Variants in NAALAD2 observed in about 807,000 individuals in gnomAD.
NAALAD2 encodes the protein N-acetylated-alpha-linked acidic dipeptidase 2.
In NAALAD2, 89 loss-of-function variants were observed where a neutral mutation model predicts 95.6. The ratio of observed to expected loss-of-function variants is 0.93; its 90% CI spans 0.78 to 1.11. The LOEUF is 1.11. NAALAD2 is among the 50% of genes least tolerant of loss of function. NAALAD2 has a pLI of 0.00. For synonymous variants in NAALAD2, 264 were observed against 294.4 expected, an observed-to-expected ratio of 0.90 and a Z score of 1.06; for missense variants, 894 against 872.4, an observed-to-expected ratio of 1.02 and a Z score of -0.31.
In NAALAD2 at chr11:90,159,137, A is replaced by T. The variant is rs1590987475; in HGVS notation, c.891-102A>T. The T allele has an allele frequency of 1.8e-5, 16 of 908,338 alleles. No homozygotes were observed. The East Asian group carries it at 4.3e-4, about 24-fold the overall frequency. 56.3% of individuals were successfully genotyped at this position (908,338 alleles called of 1,614,324 possible). On this transcript the variant is annotated intron_variant, in intron 7 of 18. Coordinates refer to ENST00000534061, the MANE Select transcript of NAALAD2 (RefSeq NM_005467.4). Reference sequence around the variant, plus strand: ...GTACCTGGCACTTAGTAAATGACAAATATTTGTTATATATATGAATGAAAT... The same window carrying T: ...GTACCTGGCACTTAGTAAATGACAATTATTTGTTATATATATGAATGAAAT...
chr11:90,167,469 C>T (rs990594370), intron 11 of NAALAD2, among the ~76,000 whole-genome samples: 1 of 152,198 alleles, frequency 6.6e-6, no homozygotes, highest in South Asian at 2.1e-4. Flanking sequence ...CCGACGAGCA[C>T]CGCTTCCTGC....
At chr11:90,158,621 T>G (rs1368304172) in intron 7 of NAALAD2, 5 of 179,870 alleles carry the variant, frequency 2.8e-5, no homozygotes, top group Non-Finnish European at 5.7e-5. Context: ...ATCAGTTGCT[T>G]AAACTTTCTC....
At chr11:90,138,364 G>C (rs1951504064) in intron 2 of NAALAD2, among the ~76,000 whole-genome samples, 1 of 152,126 alleles carries the variant, frequency 6.6e-6, no homozygotes, top group Admixed American at 6.5e-5. Context: ...AGGAAAGGCA[G>C]TCACATTCCA....
chr11:90,138,006 G>A (rs540084625), intron 2 of NAALAD2, among the ~76,000 whole-genome samples: 1 of 151,908 alleles, frequency 6.6e-6, no homozygotes, highest in Non-Finnish European at 1.5e-5. Context: ...GGCATAGGGT[G>A]CTGACCCCCC....
intron 11 of NAALAD2, among the ~76,000 whole-genome samples, chr11:90,166,955 G>C (rs1952471940): frequency 1.3e-5 from 2 of 152,070 alleles, no homozygotes; most frequent in South Asian, 2.1e-4. Flanking sequence ...TTCGAGAACA[G>C]CCTGGCCAAC....
intron 6 of NAALAD2, among the ~76,000 whole-genome samples, chr11:90,156,876 A>C (rs75641273): frequency 0.025 from 3,755 of 152,178 alleles, 147 homozygotes; most frequent in African/African-American, 0.084. Flanking sequence ...CCCATGGTTT[A>C]TTTATAAATG....
intron 2 of NAALAD2, among the ~76,000 whole-genome samples, chr11:90,138,420 T>C (rs1400060486): frequency 6.6e-6 from 1 of 152,182 alleles, no homozygotes; most frequent in Non-Finnish European, 1.5e-5. Context: ...TTCTTTTCTC[T>C]AAAAATATTT....
intron 13 of NAALAD2, among the ~76,000 whole-genome samples, chr11:90,171,662 C>A (rs111465123): frequency 5.3e-4 from 81 of 152,226 alleles, no homozygotes; most frequent in African/African-American, 1.8e-3. Context: ...ACAAAGGAGA[C>A]TTGTTTTTAC....
chr11:90,167,363 G>T (rs1480906373), intron 11 of NAALAD2, among the ~76,000 whole-genome samples: 1 of 152,214 alleles, frequency 6.6e-6, no homozygotes, highest in Non-Finnish European at 1.5e-5. Flanking sequence ...TTCTCGCTGG[G>T]CCTTAGCTGC....
In NAALAD2 at chr11:90,170,132, A is replaced by C. The variant is rs1952591221; in HGVS notation, c.1406A>C (p.Lys469Thr). 1.3e-6 allele frequency: 2 copies of C among 1,567,176 alleles called. No individual in the cohort carries two copies. The highest frequency in any genetic ancestry group is 1.8e-6 in the Non-Finnish European group (2 of 1,137,598). The change falls in exon 13 of 19, where the codon AAA becomes ACA. Residue 469 changes from lysine to threonine, a missense_variant. By Grantham distance (78) the Lys-to-Thr change is moderately conservative (BLOSUM62 -1). Coordinates refer to ENST00000534061, the MANE Select transcript of NAALAD2 (RefSeq NM_005467.4). ...LLYQLVYKLT[K>T]EIPSPDDGFE... ...TACCAATTAGTGTATAAACTGACAA[A>C]AGAGGTATATAAGGAAATGTGTCTT... is the stretch of plus-strand genomic sequence containing the variant.
At chr11:90,166,330 A>C (rs558373031) in intron 11 of NAALAD2, among the ~76,000 whole-genome samples, 27 of 152,256 alleles carry the variant, frequency 1.8e-4, no homozygotes, top group Admixed American at 1.5e-3. Context: ...TGAGAGAGAG[A>C]GAGCGAAAGA....
rs1451580382 is a variant in NAALAD2 at position 90,191,502 on chromosome 11, C to CAT, written c.2034-55_2034-54dup. On this transcript the variant is annotated intron_variant, in intron 18 of 18. Transcript: ENST00000534061. ...AACATCATGTGGTCTAAACAAAAAG[C>CAT]ATGCAAAATGCATGTATACACTTTA... The CAT allele has an allele frequency of 2.3e-6, 3 of 1,296,552 alleles. No individual in the cohort carries two copies. The East Asian group carries it at 7.8e-5, about 34-fold the overall frequency. 80.3% of individuals were successfully genotyped at this position (1,296,552 alleles called of 1,614,324 possible). A position where few individuals can be genotyped will look rare whatever the true frequency, so the allele number is the denominator to read the frequency against.
intron 11 of NAALAD2, among the ~76,000 whole-genome samples, chr11:90,167,122 C>T (rs1952479744): frequency 6.6e-6 from 1 of 152,236 alleles, no homozygotes; most frequent in South Asian, 2.1e-4. Flanking sequence ...CGCCGCTGCA[C>T]TGTGGGAGCC....
chr11:90,174,464 CATT>C (rs1555124905), intron 14 of NAALAD2, among the ~76,000 whole-genome samples: 1 of 152,068 alleles, frequency 6.6e-6, no homozygotes, highest in Non-Finnish European at 1.5e-5. Flanking sequence ...AGTTTCGCTA[CATT>C]ATTAGCCATT....
At chr11:90,154,330 A>G (rs1462891986) in intron 6 of NAALAD2, among the ~76,000 whole-genome samples, 2 of 151,894 alleles carry the variant, frequency 1.3e-5, no homozygotes, top group African/African-American at 4.8e-5. Context: ...CTTCTATCCT[A>G]ATATACTGGG....
intron 3 of NAALAD2, among the ~76,000 whole-genome samples, chr11:90,148,292 G>C (rs1951799060): frequency 6.6e-6 from 1 of 152,164 alleles, no homozygotes; most frequent in East Asian, 1.9e-4. Context: ...GAGGATGAGG[G>C]ATGGATTTCA....
rs528545545 is a variant in NAALAD2, at chr11:90,143,911, G to A, written c.195-3419G>A. Among the ~76,000 whole-genome samples, 60 of 152,266 alleles carry A rather than the reference G, an allele frequency of 3.9e-4. No individual in the cohort carries two copies. In the South Asian group the frequency reaches 0.012, roughly 29 times the overall value. ...TCTGTGCTGTTGATGAGATCACAAG[G>A]TTCCATGTTAGTGTCTATGGATGAA... On this transcript the variant is annotated intron_variant, in intron 2 of 18. Transcript: ENST00000534061.
rs765763172 is a variant in NAALAD2, at chr11:90,159,306, G to A, written c.958G>A (p.Gly320Arg). ...KGALNVSYSI[G>R]PGFTGSDSFR... ...AGCCCTTAATGTGAGTTATAGTATC[G>A]GACCTGGCTTTACAGGGAGTGATTC... is the stretch of plus-strand genomic sequence containing the variant. Residue 320 changes from glycine (G) to arginine (R), a missense_variant, in exon 8 of 19, where the codon GGA (glycine) becomes AGA (arginine). By Grantham distance (125) the Gly-to-Arg change is moderately radical. Coordinates refer to ENST00000534061, the MANE Select transcript of NAALAD2 (RefSeq NM_005467.4). 64 of 1,613,544 alleles carry A rather than the reference G, an allele frequency of 4.0e-5. No homozygotes were observed. Among genetic ancestry groups the A allele is most frequent in the African/African-American group, 1.6e-4 (12 of 74,886 alleles).
At chr11:90,149,891 C>G (rs754348516) in intron 4 of NAALAD2, among the ~76,000 whole-genome samples, 1 of 152,046 alleles carries the variant, frequency 6.6e-6, no homozygotes, top group Non-Finnish European at 1.5e-5. Flanking sequence ...TTTAAAATGA[C>G]ATTTATTTAC....
Sources: gnomAD v4.1 joint callset for allele counts (sites outside exome capture counted in the v4.1 genomes callset) on GRCh38, gnomAD v4.1.1 for gene constraint, MANE v1.5 for transcripts, NCBI Gene and HGNC (gene_info 2026-07-23, HGNC 2026-07-21) for gene names.